FAM107A: variants seen among roughly 807,000 people sequenced by gnomAD.
The protein encoded by FAM107A is actin-associated protein FAM107A.
FAM107A carries 19 observed loss-of-function variants against 13.7 expected under a neutral mutation model. The observed-to-expected ratio is 1.38, with a 90% CI of 0.97 to 2.03. The LOEUF (loss-of-function observed/expected upper bound fraction) is 2.03. Ranked by LOEUF, FAM107A falls within the 30% of genes most tolerant of loss-of-function variation. FAM107A has a pLI of 0.00. For synonymous variants in FAM107A, 82 were observed against 74.5 expected, an observed-to-expected ratio of 1.10 and a Z score of -0.52; for missense variants, 203 against 184.4, an observed-to-expected ratio of 1.10 and a Z score of -0.58.
chr3:58,602,256 C>A (rs2065759162), intron 1 of FAM107A, among the ~76,000 whole-genome samples: 2 of 152,066 alleles, frequency 1.3e-5, no homozygotes, highest in East Asian at 1.9e-4. Flanking sequence ...CACGCTCAAG[C>A]AACAATGGGG....
chr3:58,602,667 A>C (rs577079261), intron 1 of FAM107A, among the ~76,000 whole-genome samples: 23 of 152,346 alleles, frequency 1.5e-4, no homozygotes, highest in Non-Finnish European at 2.5e-4. Context: ...GATGTCCACT[A>C]TCTATTTAGA....
chr3:58,601,820 C>A (rs2065755001), intron 1 of FAM107A, among the ~76,000 whole-genome samples: 1 of 152,210 alleles, frequency 6.6e-6, no homozygotes, highest in African/African-American at 2.4e-5. Context: ...AATAATCACC[C>A]CGGAATGTAT....
chr3:58,570,631 G>GAGAGAGAGAGAA, intron 1 of FAM107A, among the ~76,000 whole-genome samples: 2 of 95,800 alleles, frequency 2.1e-5, no homozygotes, highest in East Asian at 8.8e-4. Flanking sequence ...GAGAGAGAGA[G>GAGAGAGAGAGAA]AGAGAAAGAG....
chr3:58,602,557 C>G (rs74875294), intron 1 of FAM107A, among the ~76,000 whole-genome samples: 1 of 152,116 alleles, frequency 6.6e-6, no homozygotes, highest in African/African-American at 2.4e-5. Flanking sequence ...ATATGGTAAA[C>G]GTCCAGCGAT....
intron 3 of FAM107A, 24 bp downstream of exon 3, chr3:58,567,184 C>T: frequency 1.9e-6 from 3 of 1,614,008 alleles, no homozygotes; most frequent in African/African-American, 1.3e-5. Flanking sequence ...GATGCGTGGT[C>T]CCTGCTGGGT....
intron 1 of FAM107A, among the ~76,000 whole-genome samples, chr3:58,592,171 C>T (rs965737446): frequency 4.6e-5 from 7 of 152,106 alleles, no homozygotes; most frequent in African/African-American, 1.7e-4. Flanking sequence ...AGCAAGTAAC[C>T]TTAATCTGTG....
upstream of FAM107A, chr3:58,589,131 TG>T: frequency 1.1e-6 from 1 of 942,050 alleles, no homozygotes; most frequent in Non-Finnish European, 1.6e-6. Flanking sequence ...ATTGTGGCCA[TG>T]GGATGTACTT....
chr3:58,600,022 A>G (rs1309868194), intron 1 of FAM107A, among the ~76,000 whole-genome samples: 3 of 151,862 alleles, frequency 2.0e-5, no homozygotes, highest in African/African-American at 4.8e-5. Flanking sequence ...AAAAAGTTCA[A>G]TTTACCCCCC....
chr3:58,603,374 G>A (rs748590031), intron 1 of FAM107A, among the ~76,000 whole-genome samples: 1 of 152,122 alleles, frequency 6.6e-6, no homozygotes, highest in Non-Finnish European at 1.5e-5. Context: ...TGCTCACCGT[G>A]GCCCAAGTGG....
Position 58,566,971 on chromosome 3 carries a change from C to G in FAM107A, c.327+237G>C, listed in dbSNP as rs181035470. 40 of 612,070 alleles carry G rather than the reference C, an allele frequency of 6.5e-5. No homozygotes were observed. The East Asian group carries it at 1.0e-3, about 16-fold the overall frequency. The allele number at this position is 612,070 out of a possible 1,614,324, so 37.9% of individuals were successfully genotyped here. A position where few individuals can be genotyped will look rare whatever the true frequency, so the allele number is the denominator to read the frequency against. On this transcript the variant is annotated intron_variant, in intron 3 of 3. Coordinates refer to ENST00000360997, the MANE Select transcript of FAM107A (RefSeq NM_001076778.3). ...CACAAGACAGTTATAAGAATGAAAT[C>G]AGAATCAGCATGCAGTACACTGGGC...
intron 1 of FAM107A, among the ~76,000 whole-genome samples, chr3:58,597,193 C>T (rs529411983): frequency 9.8e-5 from 15 of 152,322 alleles, no homozygotes; most frequent in African/African-American, 3.4e-4. Context: ...AATGAGTGCT[C>T]ATTTCTGTTG....
At chr3:58,587,315 T>C (rs1184829293), upstream of FAM107A, among the ~76,000 whole-genome samples, 1 of 152,238 alleles carries the variant, frequency 6.6e-6, no homozygotes, top group Non-Finnish European at 1.5e-5. Context: ...CATGGGGTTC[T>C]GAAGCGCCAT....
chr3:58,593,315 A>G (rs1271805808), intron 1 of FAM107A, among the ~76,000 whole-genome samples: 1 of 152,160 alleles, frequency 6.6e-6, no homozygotes, highest in Non-Finnish European at 1.5e-5. Flanking sequence ...ACAGGGCTTT[A>G]TACAGTCACC....
chr3:58,581,730 A>G (rs2065546478), upstream of FAM107A, among the ~76,000 whole-genome samples: 1 of 152,188 alleles, frequency 6.6e-6, no homozygotes, highest in African/African-American at 2.4e-5. Flanking sequence ...CGCCTTTACA[A>G]CAAGTTTGAA....
In FAM107A at chr3:58,617,671, T is replaced by C. The variant is rs1274274044; in HGVS notation, c.-70+9745A>G. 6.6e-6 allele frequency among the ~76,000 whole-genome samples: 1 copy of C among 152,104 alleles called. No individual in the cohort carries two copies. The highest frequency in any genetic ancestry group is 6.5e-5 in the Admixed American group (1 of 15,272). The stretch of plus-strand genomic sequence containing the variant: ...TTCTGCCTGCGAGAAAACCGGCTTT[T>C]GATTTGGCCCCTCTTGCACCACCTC... On this transcript the variant is annotated intron_variant, in intron 1 of 3. Coordinates refer to the FAM107A transcript ENST00000465970. This position sits in a 1 kb window ranked among gnomAD's most constrained non-coding sequence, Gnocchi z 4.5.
At chr3:58,579,217 C>A (rs114787824), upstream of FAM107A, among the ~76,000 whole-genome samples, 461 of 152,120 alleles carry the variant, frequency 3.0e-3, 3 homozygotes, top group African/African-American at 0.01. Flanking sequence ...AAGGCCCAGA[C>A]TGGGTGGATC....
At chr3:58,590,631 G>T (rs1334696232), upstream of FAM107A, among the ~76,000 whole-genome samples, 1 of 152,206 alleles carries the variant, frequency 6.6e-6, no homozygotes. Flanking sequence ...TTACATGGCA[G>T]CAGGAGAGAC....
intron 1 of FAM107A, among the ~76,000 whole-genome samples, chr3:58,602,249 G>A (rs1452938820): frequency 1.3e-5 from 2 of 152,124 alleles, no homozygotes; most frequent in Non-Finnish European, 2.9e-5. Context: ...GAAAATGCAC[G>A]CTCAAGCAAC....
chr3:58,607,120 C>T (rs2065801888), intron 1 of FAM107A: 1 of 152,218 alleles, frequency 6.6e-6, no homozygotes, highest in African/African-American at 2.4e-5. Flanking sequence ...GGCATCTTTC[C>T]AGCCTCCTGG....
Sources: gnomAD v4.1 joint callset for allele counts (sites outside exome capture counted in the v4.1 genomes callset) on GRCh38, gnomAD v4.1.1 for gene constraint, Gnocchi (gnomAD v3.1) non-coding constraint, MANE v1.5 for transcripts, NCBI Gene and HGNC (gene_info 2026-07-23, HGNC 2026-07-21) for gene names.